Variants in PLCH2 observed in about 807,000 individuals in gnomAD.
The protein encoded by PLCH2 is 1-phosphatidylinositol 4,5-bisphosphate phosphodiesterase eta-2.
A neutral mutation model predicts 134.7 loss-of-function variants in PLCH2; 98 were observed. The ratio of observed to expected loss-of-function variants is 0.73; its 90% confidence interval spans 0.62 to 0.86. The LOEUF (loss-of-function observed/expected upper bound fraction) is 0.86. PLCH2 is among the 40% of genes least tolerant of loss of function. The pLI is 0.00. For missense variants in PLCH2, 1,994 were observed against 1,986.6 expected, an observed-to-expected ratio of 1.00 and a Z score of -0.07; for synonymous variants, 974 against 827.5, an observed-to-expected ratio of 1.18 and a Z score of -3.04.
chr1:2,459,440 G>T (rs867409752), intron 2 of PLCH2, among the ~76,000 whole-genome samples: 13 of 8,638 alleles, frequency 1.5e-3, no homozygotes, highest in South Asian at 5.5e-3. Context: ...GGTCCTCCTT[G>T]CCGGTGGTCC....
Position 2,443,616 on chromosome 1 carries a change from T to C in PLCH2, c.115+12987T>C, listed in dbSNP as rs547248376. ...GGCTAGCCCCGCGCCCCACCTGTTC[T>C]GTGCGTCGCGCTCGCCCGGTTGCGC... On this transcript the variant is annotated intron_variant, in intron 2 of 3. Transcript: ENST00000609981. Among the ~76,000 whole-genome samples the C allele has an allele frequency of 4.1e-5, 4 of 98,734 alleles. No homozygotes were observed. The East Asian group carries it at 1.3e-3, about 32-fold the overall frequency. 64.8% of individuals were successfully genotyped at this position (98,734 alleles called of 152,430 possible).
intron 2 of PLCH2, among the ~76,000 whole-genome samples, chr1:2,446,800 G>A (rs182459036): frequency 1.6e-3 from 247 of 152,288 alleles, no homozygotes; most frequent in Non-Finnish European, 2.8e-3. Context: ...GGTCAGAGCC[G>A]GCAGGAATGT....
intron 1 of PLCH2, among the ~76,000 whole-genome samples, chr1:2,427,204 G>A (rs1473412710): frequency 6.6e-6 from 1 of 152,210 alleles, no homozygotes; most frequent in African/African-American, 2.4e-5. Flanking sequence ...ACCGGGTGGA[G>A]CTCCTGGGGG....
intron 2 of PLCH2, among the ~76,000 whole-genome samples, chr1:2,445,773 G>A (rs61763910): frequency 0.015 from 2,218 of 152,302 alleles, 29 homozygotes; most frequent in Non-Finnish European, 0.021. Flanking sequence ...TAATCTGCAC[G>A]GCACACACGG....
chr1:2,489,129 TG>T (rs1256115792), intron 8 of PLCH2, 77 bp from the exon 9 acceptor site: 62 of 1,301,722 alleles, frequency 4.8e-5, no homozygotes, highest in Non-Finnish European at 6.6e-5. Flanking sequence ...TTAGATGACC[TG>T]GGATCTTGCA....
At chr1:2,429,205 G>T (rs908276794) in intron 1 of PLCH2, among the ~76,000 whole-genome samples, 3 of 152,158 alleles carry the variant, frequency 2.0e-5, no homozygotes, top group African/African-American at 7.2e-5. Context: ...CCTGGGGAGA[G>T]AGACATGCCG....
intron 2 of PLCH2, among the ~76,000 whole-genome samples, chr1:2,445,135 C>A (rs1639881689): frequency 6.6e-6 from 1 of 152,126 alleles, no homozygotes; most frequent in South Asian, 2.1e-4. Flanking sequence ...GCCAGGGCCA[C>A]ATTCTCCGCA....
Position 2,498,692 on chromosome 1 carries a change from C to T in PLCH2, c.2349+45C>T, listed in dbSNP as rs779564914. On this transcript the variant is annotated intron_variant, in intron 17 of 21. Coordinates refer to ENST00000378486, the MANE Select transcript of PLCH2 (RefSeq NM_014638.4). This position sits in a 1 kb window ranked among gnomAD's most constrained non-coding sequence, Gnocchi z 5.4. ...AGGCGGGAGGGGTGGGAGTTGGGGG[C>T]GGGCCGGGCATCGCGATGGGCCCTG... 4.7e-5 allele frequency: 31 copies of T among 663,522 alleles called. No homozygotes were observed. Among genetic ancestry groups the T allele is most frequent in the East Asian group, 1.7e-4 (3 of 18,098 alleles). The allele number at this position is 663,522 out of a possible 1,614,324, so 41.1% of individuals were successfully genotyped here.
intron 2 of PLCH2, among the ~76,000 whole-genome samples, chr1:2,437,214 T>C (rs1375559273): frequency 6.6e-6 from 1 of 152,192 alleles, no homozygotes; most frequent in Non-Finnish European, 1.5e-5. Flanking sequence ...GCTTGGGTTA[T>C]GGCCCGGGGT....
intron 2 of PLCH2, among the ~76,000 whole-genome samples, chr1:2,447,808 C>T (rs1316522373): frequency 6.6e-6 from 1 of 152,160 alleles, no homozygotes; most frequent in Non-Finnish European, 1.5e-5. Context: ...CTCAGCCCAC[C>T]GGGGACCAGC....
chr1:2,493,217 C>G (rs1257842550), intron 11 of PLCH2: 3 of 152,308 alleles, frequency 2.0e-5, no homozygotes, highest in Non-Finnish European at 4.4e-5. Flanking sequence ...TGTGTCTGGC[C>G]GTCCGTCTCC....
intron 21 of PLCH2, chr1:2,503,181 G>A (rs1000301819): frequency 3.2e-6 from 2 of 615,408 alleles, no homozygotes; most frequent in Admixed American, 2.3e-5. Flanking sequence ...TCTTGCTGAG[G>A]GTCTGGGGCC....
At chr1:2,432,742 GAGGGTCAGAGCCCGCCGTGC>G (rs1450499390) in intron 2 of PLCH2, among the ~76,000 whole-genome samples, 1 of 152,208 alleles carries the variant, frequency 6.6e-6, no homozygotes, top group Non-Finnish European at 1.5e-5. Flanking sequence ...GCCAGAGGTG[GAGGGTCAGAGCCCGCCGTGC>G]AGGCTTGCCT....
intron 1 of PLCH2, among the ~76,000 whole-genome samples, chr1:2,469,981 C>T (rs926096622): frequency 6.6e-6 from 1 of 152,230 alleles, no homozygotes; most frequent in African/African-American, 2.4e-5. Context: ...GTGGAACCCC[C>T]TCCAGCTCTG....
At chr1:2,427,292 T>C (rs1335438368) in intron 1 of PLCH2, among the ~76,000 whole-genome samples, 2 of 152,112 alleles carry the variant, frequency 1.3e-5, no homozygotes, top group Admixed American at 6.5e-5. Flanking sequence ...GGCTGTCCCC[T>C]CACCCTCTGG....
intron 2 of PLCH2, among the ~76,000 whole-genome samples, chr1:2,459,488 C>CCGGTGGTCCTCCTTG (rs1640682934): frequency 3.7e-4 from 3 of 8,120 alleles, no homozygotes; most frequent in Admixed American, 3.6e-3. Flanking sequence ...GGTCCTCCTT[C>CCGGTGGTCCTCCTTG]CTGGTGGTCC....
chr1:2,491,375 C>T (rs773613525), intron 11 of PLCH2, 40 bp downstream of exon 11: 2 of 1,593,434 alleles, frequency 1.3e-6, no homozygotes, highest in South Asian at 1.1e-5. Context: ...GCCGACAGGC[C>T]CCCCCGACAG....
intron 2 of PLCH2, among the ~76,000 whole-genome samples, chr1:2,432,874 C>T (rs1452570538): frequency 6.6e-6 from 1 of 152,202 alleles, no homozygotes; most frequent in Non-Finnish European, 1.5e-5. Context: ...GGAGGTCTTT[C>T]CCGTCCGTCA....
At chr1:2,497,653 A>C in intron 16 of PLCH2, 44 bp downstream of exon 16, 1 of 1,319,112 alleles carries the variant, frequency 7.6e-7, no homozygotes, top group Non-Finnish European at 1.1e-6. Context: ...CAGGGCTCGG[A>C]TGGGCCTCCT....
Sources: gnomAD v4.1 joint callset for allele counts (sites outside exome capture counted in the v4.1 genomes callset) on GRCh38, gnomAD v4.1.1 for gene constraint, Gnocchi (gnomAD v3.1) non-coding constraint, MANE v1.5 for transcripts, NCBI Gene and HGNC (gene_info 2026-07-23, HGNC 2026-07-21) for gene names.